Variants in WDR43 observed in about 807,000 individuals in gnomAD.
The protein encoded by WDR43 is WD repeat-containing protein 43.
WDR43 carries 13 observed loss-of-function variants against 91.4 expected under a neutral mutation model. The observed-to-expected ratio is 0.14, with a 90% CI of 0.09 to 0.23. The LOEUF (loss-of-function observed/expected upper bound fraction) is 0.23. Ranked by LOEUF, WDR43 falls within the 10% of genes least tolerant of loss-of-function variation. The pLI is 1.00. For synonymous variants in WDR43, 331 were observed against 287.9 expected, an observed-to-expected ratio of 1.15 and a Z score of -1.51; for missense variants, 780 against 809.4, an observed-to-expected ratio of 0.96 and a Z score of 0.44.
At chr2:28,930,739 A>C (rs1467986978) in intron 11 of WDR43, among the ~76,000 whole-genome samples, 1 of 152,228 alleles carries the variant, frequency 6.6e-6, no homozygotes, top group Admixed American at 6.5e-5. Flanking sequence ...AATCAAGTAC[A>C]AATTTTTTCT....
chr2:28,926,112 A>AGAC (rs1251209449), intron 8 of WDR43, among the ~76,000 whole-genome samples: 1 of 152,236 alleles, frequency 6.6e-6, no homozygotes, highest in Non-Finnish European at 1.5e-5. Context: ...TATTTTGAGC[A>AGAC]GACTGTTTCT....
intron 16 of WDR43, among the ~76,000 whole-genome samples, chr2:28,943,467 A>G (rs1366163610): frequency 6.6e-6 from 1 of 152,176 alleles, no homozygotes; most frequent in African/African-American, 2.4e-5. Context: ...CAATTTAGTC[A>G]TTTTATGAGC....
At chr2:28,923,223 A>C (rs935387339) in intron 7 of WDR43, among the ~76,000 whole-genome samples, 1 of 152,220 alleles carries the variant, frequency 6.6e-6, no homozygotes, top group African/African-American at 2.4e-5. Flanking sequence ...GGATAATTCT[A>C]ATGATACATT....
chr2:28,908,619 AC>A (rs2148182029), intron 3 of WDR43, among the ~76,000 whole-genome samples: 1 of 152,232 alleles, frequency 6.6e-6, no homozygotes, highest in Admixed American at 6.5e-5. Context: ...CTTTAGCCCC[AC>A]TTTGCTGTTT....
Position 28,894,841 on chromosome 2 carries a change from T to A in WDR43, c.143T>A (p.Leu48Gln), listed in dbSNP as rs780663030. The change falls in exon 1 of 18, where the codon CTG becomes CAG. Residue 48 changes from leucine (L) to glutamine (Q), a missense_variant. By Grantham distance (113) the Leu-to-Gln change is moderately radical. Transcript: ENST00000407426. The part of the protein sequence containing the change: ...LRVWETANNR[L>Q]HQEYVPSAHL... ...GTATGGGAGACGGCCAACAACCGGCTGCACCAGGAGTACGTGCCTTCCGCG... is the reference window on the plus strand; with the variant it reads ...GTATGGGAGACGGCCAACAACCGGCAGCACCAGGAGTACGTGCCTTCCGCG... 24 of 1,611,342 alleles carry A rather than the reference T, an allele frequency of 1.5e-5. No homozygotes were observed. The highest frequency in any genetic ancestry group is 1.7e-5 in the Admixed American group (1 of 59,780).
intron 11 of WDR43, among the ~76,000 whole-genome samples, chr2:28,930,885 G>C (rs1558380588): frequency 1.3e-5 from 2 of 152,026 alleles, no homozygotes; most frequent in South Asian, 4.1e-4. Context: ...GTCTCCCCAA[G>C]TTATGGTGAA....
At chr2:28,927,193 A>G (rs772269935) in intron 9 of WDR43, 1 of 515,300 alleles carries the variant, frequency 1.9e-6, no homozygotes, top group Admixed American at 2.0e-5. Context: ...GTGTAACTTC[A>G]CTTTTTAAAT....
chr2:28,894,806 T>C lies in WDR43; in HGVS notation c.108T>C (p.Gly36=), dbSNP rs1670441107. 1 of 1,611,016 alleles carries C rather than the reference T, an allele frequency of 6.2e-7. No homozygotes were observed. Among genetic ancestry groups the C allele is most frequent in the African/African-American group, 1.3e-5 (1 of 75,008 alleles). Residue 36 remains glycine (G), a synonymous_variant, in exon 1 of 18, where the codon GGT becomes GGC. Coordinates refer to ENST00000407426, the MANE Select transcript of WDR43 (RefSeq NM_015131.3). The part of the protein sequence containing the change: ...QAYFALASTD[G]HLRVWETANN... ...ACTTCGCTTTGGCCTCTACCGACGGTCACTTACGAGTATGGGAGACGGCCA... is the reference window on the plus strand; with the variant it reads ...ACTTCGCTTTGGCCTCTACCGACGGCCACTTACGAGTATGGGAGACGGCCA...
At chr2:28,895,020 T>A in intron 1 of WDR43, 97 bp downstream of exon 1, 3 of 1,260,908 alleles carry the variant, frequency 2.4e-6, no homozygotes, top group Non-Finnish European at 3.1e-6. Context: ...CGCGTGGCTC[T>A]CAGCGGCCCG....
At chr2:28,935,350 T>C (rs574964942) in intron 11 of WDR43, among the ~76,000 whole-genome samples, 171 bp from the exon 12 acceptor site, 2 of 152,282 alleles carry the variant, frequency 1.3e-5, no homozygotes, top group Middle Eastern at 3.4e-3. Context: ...AGACGTAATA[T>C]AACATACTCC....
intron 12 of WDR43, among the ~76,000 whole-genome samples, chr2:28,935,990 G>T (rs1032227563): frequency 6.6e-6 from 1 of 152,006 alleles, no homozygotes; most frequent in Non-Finnish European, 1.5e-5. Context: ...GTCCTGTGAG[G>T]TACCTTAACC....
At chr2:28,906,703 C>A in intron 3 of WDR43, 122 bp downstream of exon 3, 1 of 1,255,792 alleles carries the variant, frequency 8.0e-7, no homozygotes, top group Non-Finnish European at 1.0e-6. Context: ...TCAAATCGAG[C>A]ATGCAAGATT....
chr2:28,923,023 C>T (rs756699142), intron 7 of WDR43, 40 bp downstream of exon 7: 1 of 1,558,666 alleles, frequency 6.4e-7, no homozygotes, highest in Non-Finnish European at 8.8e-7. Flanking sequence ...TTGTTTCTTT[C>T]CCTGACTTGT....
At chr2:28,929,010 T>C (rs537523925) in intron 10 of WDR43, among the ~76,000 whole-genome samples, 8 of 152,302 alleles carry the variant, frequency 5.3e-5, no homozygotes, top group Admixed American at 2.0e-4. Flanking sequence ...TTGCATCATG[T>C]TTATTTACAC....
intron 2 of WDR43, among the ~76,000 whole-genome samples, chr2:28,904,715 G>A (rs1175450797): frequency 2.6e-5 from 4 of 152,122 alleles, no homozygotes; most frequent in African/African-American, 9.7e-5. Flanking sequence ...CTTAGTTCTT[G>A]GAGTACACAG....
At chr2:28,906,346 G>C (rs148853950) in intron 2 of WDR43, 114 bp from the exon 3 acceptor site, 2 of 1,043,528 alleles carry the variant, frequency 1.9e-6, no homozygotes, top group East Asian at 5.5e-5. Context: ...TGTGGGCCAG[G>C]AGCACTGGCT....
intron 16 of WDR43, among the ~76,000 whole-genome samples, chr2:28,943,109 A>G (rs899287846): frequency 3.3e-5 from 5 of 152,210 alleles, no homozygotes; most frequent in Admixed American, 3.3e-4. Context: ...TTTGAAGGTT[A>G]TTTGATCAGG....
intron 16 of WDR43, among the ~76,000 whole-genome samples, chr2:28,943,801 G>A (rs1253663769): frequency 6.6e-6 from 1 of 152,182 alleles, no homozygotes; most frequent in Non-Finnish European, 1.5e-5. Context: ...TCCATATTGT[G>A]AGAAATGGAT....
chr2:28,938,086 C>CT (rs1486346824), intron 14 of WDR43, 92 bp downstream of exon 14: 1 of 1,338,170 alleles, frequency 7.5e-7, no homozygotes, highest in East Asian at 2.4e-5. Context: ...CAAAACCATC[C>CT]TTTCCCCATC....
Sources: allele counts gnomAD v4.1 joint callset (sites outside exome capture counted in the v4.1 genomes callset), GRCh38; gene constraint gnomAD v4.1.1; transcripts MANE v1.5; gene names NCBI Gene and HGNC (gene_info 2026-07-23, HGNC 2026-07-21).